EXT2: variants seen among roughly 807,000 people sequenced by gnomAD.
EXT2 encodes the protein exostosin glycosyltransferase 2, also known as exostosin-2.
EXT2 carries 53 observed loss-of-function variants against 81.6 expected under a neutral mutation model. That is an observed-to-expected ratio of 0.65 (90% CI 0.52 to 0.82). The LOEUF (loss-of-function observed/expected upper bound fraction) is 0.82, where lower values mean the gene tolerates loss of function less well. Among genes scored for constraint, EXT2 ranks in the 40% least tolerant of loss-of-function variants. The pLI is 0.00. For synonymous variants in EXT2, 320 were observed against 340.0 expected, an observed-to-expected ratio of 0.94 and a Z score of 0.65; for missense variants, 774 against 910.2, an observed-to-expected ratio of 0.85 and a Z score of 1.93.
At chr11:44,237,768 T>G (rs1955983491) in intron 13 of EXT2, among the ~76,000 whole-genome samples, 1 of 151,974 alleles carries the variant, frequency 6.6e-6, no homozygotes, top group Non-Finnish European at 1.5e-5. Context: ...TAAAGAGGTT[T>G]AAAATGCAGT....
At chr11:44,207,919 A>T (rs1053193079) in intron 10 of EXT2, among the ~76,000 whole-genome samples, 23 of 152,056 alleles carry the variant, frequency 1.5e-4, no homozygotes, top group South Asian at 4.2e-4. Flanking sequence ...CTAGGTTTTT[A>T]AAAAAAATGT....
chr11:44,227,621 A>C (rs149358645), intron 10 of EXT2, among the ~76,000 whole-genome samples: 13 of 152,340 alleles, frequency 8.5e-5, no homozygotes, highest in African/African-American at 3.1e-4. Flanking sequence ...TTTTACACAA[A>C]GGTAGAAGAT....
rs1390567903 is a variant in EXT2, at chr11:44,130,031, G to A, written c.1080-14G>A. ...GGGCTGTGTGTATGTAAACTGTTTT[G>A]CTGTTGTCTCCAGAGCATCTGTGGT... On this transcript the variant is annotated splice_polypyrimidine_tract_variant and intron_variant, in intron 6 of 13. Transcript: ENST00000533608. 7 of 1,606,280 alleles carry A rather than the reference G, an allele frequency of 4.4e-6. No individual in the cohort carries two copies. Among genetic ancestry groups the A allele is most frequent in the Non-Finnish European group, 6.0e-6 (7 of 1,172,928 alleles).
At chr11:44,104,426 T>C (rs1954026512) in intron 1 of EXT2, among the ~76,000 whole-genome samples, 1 of 152,200 alleles carries the variant, frequency 6.6e-6, no homozygotes. Context: ...AAAAAAAGTT[T>C]TGAAAAACAC....
At chr11:44,096,132 C>T (rs1285360051) in intron 1 of EXT2, 4 of 951,616 alleles carry the variant, frequency 4.2e-6, no homozygotes, top group African/African-American at 1.6e-5. Flanking sequence ...CCTAGCCAAC[C>T]TTCGCCCCCA....
intron 10 of EXT2, among the ~76,000 whole-genome samples, chr11:44,214,414 G>T (rs1032605428): frequency 6.6e-6 from 1 of 151,930 alleles, no homozygotes; most frequent in Non-Finnish European, 1.5e-5. Flanking sequence ...ATGCCCGGCC[G>T]TAACTTTTTT....
chr11:44,113,581 G>C (rs1954176427), intron 3 of EXT2, among the ~76,000 whole-genome samples: 2 of 152,150 alleles, frequency 1.3e-5, no homozygotes, highest in African/African-American at 4.8e-5. Context: ...TAGGGAATTG[G>C]GTTAATAAGA....
At chr11:44,099,300 C>T (rs1419508079) in intron 1 of EXT2, among the ~76,000 whole-genome samples, 1 of 152,208 alleles carries the variant, frequency 6.6e-6, no homozygotes, top group African/African-American at 2.4e-5. Flanking sequence ...ATTCTCCTGC[C>T]TCAGCCTCCT....
At chr11:44,207,157 TG>T (rs1955593569) in intron 10 of EXT2, among the ~76,000 whole-genome samples, 198 bp downstream of exon 10, 1 of 152,220 alleles carries the variant, frequency 6.6e-6, no homozygotes, top group South Asian at 2.1e-4. Context: ...TATTCCAAAA[TG>T]GCAACTGTGC....
At chr11:44,124,671 G>T (rs1954371132) in intron 4 of EXT2, 118 bp from the exon 5 acceptor site, 2 of 760,942 alleles carry the variant, frequency 2.6e-6, no homozygotes, top group Non-Finnish European at 4.7e-6. Context: ...TTAAAAATCA[G>T]TGGAGGTGAA....
chr11:44,140,513 CA>C (rs1174512830), intron 7 of EXT2, among the ~76,000 whole-genome samples: 1 of 152,140 alleles, frequency 6.6e-6, no homozygotes, highest in Non-Finnish European at 1.5e-5. Context: ...TGGAAAACTG[CA>C]GCAGACAGCT....
At chr11:44,203,858 GC>G (rs1955549970) in intron 9 of EXT2, among the ~76,000 whole-genome samples, 1 of 152,190 alleles carries the variant, frequency 6.6e-6, no homozygotes, top group African/African-American at 2.4e-5. Flanking sequence ...ACAGTGTGAC[GC>G]CATGCCAGTT....
intron 10 of EXT2, among the ~76,000 whole-genome samples, chr11:44,230,508 A>C (rs1955885925): frequency 6.6e-6 from 1 of 152,210 alleles, no homozygotes; most frequent in Non-Finnish European, 1.5e-5. Context: ...TAATCAAGTT[A>C]AAATGTTGTC....
chr11:44,099,217 G>A (rs536722269), intron 1 of EXT2, among the ~76,000 whole-genome samples: 1 of 151,944 alleles, frequency 6.6e-6, no homozygotes, highest in Non-Finnish European at 1.5e-5. Context: ...ACGGAGTCTC[G>A]CACTTTCATC....
chr11:44,160,267 C>T (rs1954911563), intron 7 of EXT2, among the ~76,000 whole-genome samples: 1 of 152,226 alleles, frequency 6.6e-6, no homozygotes, highest in South Asian at 2.1e-4. Flanking sequence ...GCACTGGTTC[C>T]TGGAGAGGTT....
chr11:44,198,080 C>G, intron 9 of EXT2, 62 bp downstream of exon 9: 1 of 1,541,056 alleles, frequency 6.5e-7, no homozygotes, highest in Non-Finnish European at 9.0e-7. Context: ...TATTCACATC[C>G]TTTGTTTTAA....
chr11:44,139,124 T>TTG (rs1278634751), intron 7 of EXT2, among the ~76,000 whole-genome samples: 3 of 151,408 alleles, frequency 2.0e-5, no homozygotes, highest in Non-Finnish European at 4.4e-5. Flanking sequence ...TCTCTCCTTT[T>TTG]TTTTTTTTTG....
intron 8 of EXT2, among the ~76,000 whole-genome samples, chr11:44,179,989 A>G (rs1225705698): frequency 6.6e-6 from 1 of 152,210 alleles, no homozygotes; most frequent in East Asian, 1.9e-4. Context: ...CATTGCTTCA[A>G]CCAGAGGTTG....
chr11:44,209,402 T>A (rs1955621282), intron 10 of EXT2, among the ~76,000 whole-genome samples: 1 of 152,206 alleles, frequency 6.6e-6, no homozygotes, highest in Non-Finnish European at 1.5e-5. Flanking sequence ...TTTTCATTAT[T>A]CCATTCATGA....
Sources: gnomAD v4.1 joint callset for allele counts (sites outside exome capture counted in the v4.1 genomes callset) on GRCh38, gnomAD v4.1.1 for gene constraint, MANE v1.5 for transcripts, NCBI Gene and HGNC (gene_info 2026-07-23, HGNC 2026-07-21) for gene names.